PAFAH1B1: variants seen among roughly 807,000 people sequenced by gnomAD.
PAFAH1B1 encodes the protein platelet activating factor acetylhydrolase 1b regulatory subunit 1.
PAFAH1B1 carries 2 observed loss-of-function variants against 57.5 expected under a neutral mutation model. The observed-to-expected ratio is 0.03, with a 90% CI of 0.01 to 0.11. The LOEUF is 0.11. Ranked by LOEUF, PAFAH1B1 falls within the 10% of genes least tolerant of loss-of-function variation. PAFAH1B1 has a pLI of 1.00. For missense variants in PAFAH1B1, 257 were observed against 512.0 expected (o/e 0.50, Z 4.81); for synonymous variants, 152 against 169.6 (o/e 0.90, Z 0.81).
At chr17:2,596,453 T>C (rs997358166) in intron 1 of PAFAH1B1, among the ~76,000 whole-genome samples, 2 of 152,198 alleles carry the variant, frequency 1.3e-5, no homozygotes, top group African/African-American at 4.8e-5. Flanking sequence ...TCTTTTCTCT[T>C]GTGTTGCTCT....
At chr17:2,613,867 G>A in intron 1 of PAFAH1B1, 1 of 220,126 alleles carries the variant, frequency 4.5e-6, no homozygotes, top group Non-Finnish European at 9.3e-6. Context: ...ACAGAGGTGA[G>A]GGCACTCCCA....
intron 8 of PAFAH1B1, 48 bp downstream of exon 8, chr17:2,674,336 G>T (rs759257749): frequency 7.1e-7 from 1 of 1,399,562 alleles, no homozygotes; most frequent in South Asian, 1.2e-5. Flanking sequence ...GATATCTGAA[G>T]TCCTTAGATA....
At chr17:2,668,062 C>A (rs920700781) in intron 5 of PAFAH1B1, among the ~76,000 whole-genome samples, 2 of 151,940 alleles carry the variant, frequency 1.3e-5, no homozygotes, top group Admixed American at 1.3e-4. Flanking sequence ...CGGTGGCTCA[C>A]GCCTGTAATC....
At chr17:2,599,041 G>C (rs916664786) in intron 1 of PAFAH1B1, among the ~76,000 whole-genome samples, 1 of 152,142 alleles carries the variant, frequency 6.6e-6, no homozygotes, top group African/African-American at 2.4e-5. Flanking sequence ...GCTTCTTGTT[G>C]AAACTTACCT....
intron 1 of PAFAH1B1, among the ~76,000 whole-genome samples, chr17:2,631,369 C>T (rs2068553208): frequency 6.6e-6 from 1 of 152,184 alleles, no homozygotes; most frequent in African/African-American, 2.4e-5. Context: ...TCGCACCCTC[C>T]CCTGAGTTCT....
At chr17:2,652,288 G>T (rs545092240) in intron 2 of PAFAH1B1, among the ~76,000 whole-genome samples, 1 of 151,864 alleles carries the variant, frequency 6.6e-6, no homozygotes, top group African/African-American at 2.4e-5. Flanking sequence ...GGTGGCGGGT[G>T]CCTGTAGTCC....
chr17:2,679,860 A>G, intron 9 of PAFAH1B1: 1 of 368,194 alleles, frequency 2.7e-6, no homozygotes, highest in Admixed American at 4.4e-5. Flanking sequence ...ACCAAAATAA[A>G]ATTATTCACA....
At chr17:2,594,824 G>A (rs2068067306) in intron 1 of PAFAH1B1, among the ~76,000 whole-genome samples, 1 of 152,218 alleles carries the variant, frequency 6.6e-6, no homozygotes, top group African/African-American at 2.4e-5. Context: ...GGGAAACGCA[G>A]TGCCTCTGCA....
chr17:2,664,526 C>T (rs527977549), intron 2 of PAFAH1B1, among the ~76,000 whole-genome samples: 1 of 152,136 alleles, frequency 6.6e-6, no homozygotes, highest in Non-Finnish European at 1.5e-5. Context: ...CTGCCTTGGC[C>T]TCCCGAGTAG....
chr17:2,641,642 A>G (rs984596026), intron 2 of PAFAH1B1: 2 of 152,134 alleles, frequency 1.3e-5, no homozygotes, highest in African/African-American at 4.8e-5. Context: ...TAGAATAACA[A>G]GATGTTCCGG....
chr17:2,622,555 A>G (rs1173461584), intron 1 of PAFAH1B1, among the ~76,000 whole-genome samples: 1 of 152,174 alleles, frequency 6.6e-6, no homozygotes, highest in Non-Finnish European at 1.5e-5. Flanking sequence ...GTGGGTTCCC[A>G]TGGTCTTGGG....
intron 6 of PAFAH1B1, among the ~76,000 whole-genome samples, chr17:2,672,339 A>C (rs2069196191): frequency 6.6e-6 from 1 of 151,808 alleles, no homozygotes; most frequent in African/African-American, 2.4e-5. Flanking sequence ...ATATGTAAAC[A>C]TTCAGACTCA....
intron 1 of PAFAH1B1, among the ~76,000 whole-genome samples, chr17:2,600,155 T>G (rs1461193428): frequency 6.6e-6 from 1 of 151,922 alleles, no homozygotes; most frequent in East Asian, 1.9e-4. Context: ...AATTTTTGTA[T>G]TTTTACTAAA....
chr17:2,622,245 A>C (rs548516159), intron 1 of PAFAH1B1, among the ~76,000 whole-genome samples: 33 of 152,256 alleles, frequency 2.2e-4, no homozygotes, highest in Non-Finnish European at 4.3e-4. Context: ...CAGTCCTGCA[A>C]AGTCTTAACT....
chr17:2,648,261 G>C (rs762218445), intron 2 of PAFAH1B1, among the ~76,000 whole-genome samples: 3 of 152,084 alleles, frequency 2.0e-5, no homozygotes, highest in South Asian at 2.1e-4. Flanking sequence ...CTTCCACCGG[G>C]TCCCTCCCAC....
chr17:2,655,181 A>ATGTGTGTGTGTG (rs1436866557), intron 2 of PAFAH1B1, among the ~76,000 whole-genome samples: 350 of 122,718 alleles, frequency 2.9e-3, no homozygotes, highest in African/African-American at 0.011. Context: ...ATATATACAT[A>ATGTGTGTGTGTG]TATGTGTGTG....
intron 1 of PAFAH1B1, among the ~76,000 whole-genome samples, chr17:2,637,181 A>G (rs893446055): frequency 1.9e-4 from 29 of 152,132 alleles, no homozygotes; most frequent in African/African-American, 7.0e-4. Context: ...TCTTCATTAT[A>G]TGTTAATTTC....
intron 7 of PAFAH1B1, among the ~76,000 whole-genome samples, chr17:2,673,424 G>C (rs902240608): frequency 1.4e-4 from 21 of 152,092 alleles, no homozygotes; most frequent in Non-Finnish European, 8.8e-5. Context: ...CGGATCATGA[G>C]GTCAGGAGAT....
At position 2,667,530 on chromosome 17, in the gene PAFAH1B1, G is replaced by A. The variant is rs936324352; in HGVS notation, c.399+332G>A. The A allele has an allele frequency of 9.2e-5, 30 of 327,500 alleles. 2 individuals carry two copies. Among genetic ancestry groups the A allele is most frequent in the African/African-American group, 5.4e-4 (25 of 45,942 alleles). 20.3% of individuals were successfully genotyped at this position (327,500 alleles called of 1,614,324 possible). The stretch of plus-strand genomic sequence containing the variant: ...GTTTGATGGTGAATTTGAGAAAGTC[G>A]GGTGTCACTAACTGAGTTGATGTCA... On this transcript the variant is annotated intron_variant, in intron 5 of 10. Transcript: ENST00000397195.
Sources: allele counts gnomAD v4.1 joint callset (sites outside exome capture counted in the v4.1 genomes callset), GRCh38; gene constraint gnomAD v4.1.1; transcripts MANE v1.5; gene names NCBI Gene and HGNC (gene_info 2026-07-23, HGNC 2026-07-21).